PRSS35: variants seen among roughly 807,000 people sequenced by gnomAD.
The protein encoded by PRSS35 is serine protease 35, also known as inactive serine protease 35.
A neutral mutation model predicts 8.1 loss-of-function variants in PRSS35; 7 were observed. That is an observed-to-expected ratio of 0.86 (90% CI 0.49 to 1.62). The LOEUF is 1.62. PRSS35 is among the 40% of genes most tolerant of loss of function. The pLI is 0.00. For synonymous variants in PRSS35, 199 were observed against 188.7 expected (o/e 1.05, Z -0.45); for missense variants, 566 against 518.0 (o/e 1.09, Z -0.90).
In PRSS35 at chr6:83,517,231, T is replaced by C. The variant is rs139084286; in HGVS notation, c.-21+4537T>C. 4.3e-3 allele frequency among the ~76,000 whole-genome samples: 654 copies of C among 152,334 alleles called. 2 individuals carry two copies. The highest frequency in any genetic ancestry group is 7.1e-3 in the Non-Finnish European group (483 of 68,030). ...CTTCACAAGATCACAGTGTAACAAG[T>C]GGCAAGTGTACTTAAGGTTGATTTG... On this transcript the variant is annotated intron_variant, in intron 1 of 1. Transcript: ENST00000369700.
intron 1 of PRSS35, among the ~76,000 whole-genome samples, chr6:83,513,223 C>T (rs1050519063): frequency 2.0e-5 from 3 of 152,060 alleles, no homozygotes; most frequent in African/African-American, 7.2e-5. Context: ...GTGGATGAAA[C>T]ATTGGCAAAA....
intron 1 of PRSS35, among the ~76,000 whole-genome samples, chr6:83,517,934 A>T (rs1446466428): frequency 6.6e-6 from 1 of 152,216 alleles, no homozygotes; most frequent in Non-Finnish European, 1.5e-5. Flanking sequence ...TGATGGATCA[A>T]TGCAAAGTTG....
intron 1 of PRSS35, among the ~76,000 whole-genome samples, chr6:83,513,858 G>A (rs927425132): frequency 2.0e-5 from 3 of 151,842 alleles, no homozygotes; most frequent in Non-Finnish European, 4.4e-5. Context: ...TTGCTAGTGT[G>A]AGTTAATTTT....
At chr6:83,523,176 G>A (rs1771853878) in intron 1 of PRSS35, among the ~76,000 whole-genome samples, 1 of 152,180 alleles carries the variant, frequency 6.6e-6, no homozygotes, top group Non-Finnish European at 1.5e-5. Context: ...ATGACAGGTT[G>A]GGGTGGGAGC....
chr6:83,518,536 CA>C lies in PRSS35; in HGVS notation c.-20-4885del, dbSNP rs1238666259. ...AATATATTACAGAGCCATGGATATT[CA>C]TAGAAATGAGTAATTAGGAAAGCAT... On this transcript the variant is annotated intron_variant, in intron 1 of 1. Transcript: ENST00000369700. 3.3e-5 allele frequency among the ~76,000 whole-genome samples: 5 copies of C among 152,096 alleles called. No homozygotes were observed. In the East Asian group the frequency reaches 9.7e-4, roughly 29 times the overall value.
At chr6:83,522,866 A>G (rs1379718560) in intron 1 of PRSS35, among the ~76,000 whole-genome samples, 1 of 152,178 alleles carries the variant, frequency 6.6e-6, no homozygotes, top group Non-Finnish European at 1.5e-5. Context: ...GCACCTTCAC[A>G]TCAGTTTGGG....
intron 1 of PRSS35, among the ~76,000 whole-genome samples, chr6:83,520,468 G>C (rs944475307): frequency 3.3e-5 from 5 of 152,220 alleles, no homozygotes; most frequent in Non-Finnish European, 7.3e-5. Flanking sequence ...GAAGTTACTA[G>C]TGTAGGGACT....
chr6:83,514,640 A>G (rs1243287003), intron 1 of PRSS35, among the ~76,000 whole-genome samples: 5 of 152,356 alleles, frequency 3.3e-5, no homozygotes, highest in East Asian at 1.9e-4. Flanking sequence ...GTAATGGATT[A>G]TAAAGTATTT....
At chr6:83,513,317 T>C (rs1303302942) in intron 1 of PRSS35, among the ~76,000 whole-genome samples, 1 of 152,208 alleles carries the variant, frequency 6.6e-6, no homozygotes, top group Non-Finnish European at 1.5e-5. Flanking sequence ...TGCTTTTGTG[T>C]AGTCTTGAAA....
At chr6:83,515,926 T>C (rs1186359292) in intron 1 of PRSS35, among the ~76,000 whole-genome samples, 1 of 152,128 alleles carries the variant, frequency 6.6e-6, no homozygotes, top group Non-Finnish European at 1.5e-5. Flanking sequence ...GGGATTCTCC[T>C]GCCTCAGCCT....
intron 1 of PRSS35, among the ~76,000 whole-genome samples, chr6:83,519,067 A>C (rs1400828909): frequency 6.6e-6 from 1 of 152,204 alleles, no homozygotes; most frequent in Non-Finnish European, 1.5e-5. Flanking sequence ...GTCAGCAATC[A>C]CATTTCTAAG....
At chr6:83,518,952 A>C (rs930608246) in intron 1 of PRSS35, among the ~76,000 whole-genome samples, 2 of 152,140 alleles carry the variant, frequency 1.3e-5, no homozygotes, top group African/African-American at 4.8e-5. Context: ...CCACATGCAC[A>C]TGCCTCATAA....
At position 83,524,149 on chromosome 6, in the gene PRSS35, T is replaced by C. The variant is rs1771881063; in HGVS notation, c.708T>C (p.Ser236=). The part of the protein sequence containing the change: ...RAKGGRRRKK[S]GRGQRIAEGR... ...AGGGTGGGAGAAGAAGAAAAAAATC[T>C]GGCCGGGGTCAGAGGATTGCCGAAG... The change falls in exon 2 of 2, where the codon TCT becomes TCC. Residue 236 remains serine (S), a synonymous_variant. Coordinates refer to ENST00000369700, the MANE Select transcript of PRSS35 (RefSeq NM_153362.3). The C allele has an allele frequency of 6.2e-7, 1 of 1,613,916 alleles. No individual in the cohort carries two copies. Among genetic ancestry groups the C allele is most frequent in the Non-Finnish European group, 8.5e-7 (1 of 1,179,990 alleles).
chr6:83,523,657 T>G lies in PRSS35; in HGVS notation c.216T>G (p.Thr72=). The change falls in exon 2 of 2, where the codon ACT becomes ACG. Residue 72 remains threonine (T), a synonymous_variant. Coordinates refer to ENST00000369700, the MANE Select transcript of PRSS35 (RefSeq NM_153362.3). ...CGIECQKELP[T]PSLSELEDYL... ...TCGAATGCCAGAAAGAACTCCCAAC[T>G]CCCAGCCTTTCTGAATTGGAGGATT... The G allele has an allele frequency of 6.2e-7, 1 of 1,614,140 alleles. No homozygotes were observed. Among genetic ancestry groups the G allele is most frequent in the Non-Finnish European group, 8.5e-7 (1 of 1,180,026 alleles).
chr6:83,518,289 C>A lies in PRSS35; in HGVS notation c.-20-5133C>A, dbSNP rs183358795. Among the ~76,000 whole-genome samples the A allele has an allele frequency of 1.8e-4, 27 of 152,260 alleles. 1 individual carries two copies. The East Asian group carries it at 4.1e-3, about 23-fold the overall frequency. ...ATTTCATCATAGGATTCTATATACT[C>A]TAGATAGACTCACTCAAAAAGTTGT... On this transcript the variant is annotated intron_variant, in intron 1 of 1. Coordinates refer to ENST00000369700, the MANE Select transcript of PRSS35 (RefSeq NM_153362.3).
Position 83,514,969 on chromosome 6 carries a change from G to C in PRSS35, c.-21+2275G>C, listed in dbSNP as rs1383267719. Among the ~76,000 whole-genome samples the C allele has an allele frequency of 3.3e-4, 50 of 152,074 alleles. 1 individual carries two copies. Among genetic ancestry groups the C allele is most frequent in the Non-Finnish European group, 2.9e-5 (2 of 68,024 alleles). ...GTTTTGCCCCTGCTGAATCTTACAT[G>C]CTTTTAAAATAAAATCTATTTCACA... On this transcript the variant is annotated intron_variant, in intron 1 of 1. Coordinates refer to ENST00000369700, the MANE Select transcript of PRSS35 (RefSeq NM_153362.3).
At chr6:83,521,770 G>T (rs910267163) in intron 1 of PRSS35, among the ~76,000 whole-genome samples, 3 of 151,964 alleles carry the variant, frequency 2.0e-5, no homozygotes, top group Admixed American at 2.0e-4. Context: ...CCAAAGTGCT[G>T]GGATTACAGG....
At chr6:83,512,946 A>G (rs1265419794) in intron 1 of PRSS35, among the ~76,000 whole-genome samples, 1 of 152,202 alleles carries the variant, frequency 6.6e-6, no homozygotes, top group East Asian at 1.9e-4. Flanking sequence ...CTGCTTAAGC[A>G]GTACCAGAGG....
chr6:83,515,306 T>C (rs1383150845), intron 1 of PRSS35, among the ~76,000 whole-genome samples: 1 of 152,214 alleles, frequency 6.6e-6, no homozygotes, highest in African/African-American at 2.4e-5. Context: ...ATGCATTTGT[T>C]GAATAGACAA....
Sources: gnomAD v4.1 joint callset for allele counts (sites outside exome capture counted in the v4.1 genomes callset) on GRCh38, gnomAD v4.1.1 for gene constraint, MANE v1.5 for transcripts, NCBI Gene and HGNC (gene_info 2026-07-23, HGNC 2026-07-21) for gene names.